The following GRB14 variants were observed in gnomAD, a reference collection of about 807,000 sequenced individuals.
GRB14 encodes the protein growth factor receptor bound protein 14, also known as growth factor receptor-bound protein 14.
Under a neutral mutation model 69.1 loss-of-function variants are expected in GRB14, and 38 were observed. The ratio of observed to expected loss-of-function variants is 0.55; its 90% confidence interval spans 0.42 to 0.72. GRB14 has a LOEUF of 0.72. GRB14 is among the 30% of genes least tolerant of loss of function. The pLI, the probability that GRB14 is intolerant of heterozygous loss-of-function variation, is 0.00. For synonymous variants in GRB14, 247 were observed against 241.3 expected, an observed-to-expected ratio of 1.02 and a Z score of -0.22; for missense variants, 666 against 666.1, an observed-to-expected ratio of 1.00 and a Z score of 0.00.
intron 6 of GRB14, among the ~76,000 whole-genome samples, chr2:164,519,131 T>G (rs1001643320): frequency 1.3e-5 from 2 of 152,086 alleles, no homozygotes; most frequent in African/African-American, 4.8e-5. Context: ...AACAAAATAC[T>G]AGCCAACCGA....
chr2:164,571,091 AT>A (rs1472749389), intron 2 of GRB14, among the ~76,000 whole-genome samples: 3 of 151,996 alleles, frequency 2.0e-5, no homozygotes, highest in African/African-American at 7.2e-5. Context: ...GTGGAATCTC[AT>A]TTTTCTGTAA....
At chr2:164,612,629 C>T (rs761642062) in intron 2 of GRB14, among the ~76,000 whole-genome samples, 9 of 152,194 alleles carry the variant, frequency 5.9e-5, no homozygotes, top group Non-Finnish European at 8.8e-5. Flanking sequence ...GAGTTTATTA[C>T]TATTTGACAT....
chr2:164,601,497 T>C (rs1689912745), intron 2 of GRB14, among the ~76,000 whole-genome samples: 1 of 152,108 alleles, frequency 6.6e-6, no homozygotes, highest in Non-Finnish European at 1.5e-5. Context: ...ATTCTACCTG[T>C]GAATTTTGTG....
intron 4 of GRB14, among the ~76,000 whole-genome samples, chr2:164,525,766 C>T (rs1232425864): frequency 6.6e-6 from 1 of 152,022 alleles, no homozygotes; most frequent in African/African-American, 2.4e-5. Flanking sequence ...GGTTTTTCAA[C>T]AGTAGTTCTA....
intron 5 of GRB14, among the ~76,000 whole-genome samples, chr2:164,522,932 C>T (rs1687671146): frequency 2.0e-5 from 3 of 152,014 alleles, no homozygotes; most frequent in Admixed American, 2.0e-4. Context: ...TGGTGATTTT[C>T]GTGACTTGGC....
intron 9 of GRB14, among the ~76,000 whole-genome samples, chr2:164,500,663 G>A (rs1687026021): frequency 1.3e-5 from 2 of 152,038 alleles, no homozygotes; most frequent in Non-Finnish European, 1.5e-5. Context: ...ACATACTACT[G>A]TATCTGATTA....
intron 13 of GRB14, among the ~76,000 whole-genome samples, chr2:164,493,544 G>A (rs1366933367): frequency 6.6e-6 from 1 of 151,990 alleles, no homozygotes. Flanking sequence ...TTTTCTAAAT[G>A]TTGTCTACTT....
rs945366949 is a variant in GRB14, at chr2:164,518,913, T to C, written c.816+3067A>G. The stretch of plus-strand genomic sequence containing the variant: ...ACAAAAAAAAAGGTCCAGGACCAGA[T>C]GGATTCACAGCTGAATTCTATCAGA... On this transcript the variant is annotated intron_variant, in intron 6 of 13. Transcript: ENST00000263915. 2.6e-5 allele frequency among the ~76,000 whole-genome samples: 4 copies of C among 151,840 alleles called. 1 individual carries two copies. Among genetic ancestry groups the C allele is most frequent in the East Asian group, 3.9e-4 (2 of 5,192 alleles).
chr2:164,609,393 T>G (rs1690112759), intron 2 of GRB14, among the ~76,000 whole-genome samples: 1 of 152,052 alleles, frequency 6.6e-6, no homozygotes, highest in Non-Finnish European at 1.5e-5. Flanking sequence ...CAGCCCAACT[T>G]CTCCCTGTGT....
rs1574272752 is a variant in GRB14, at chr2:164,527,060, T to A, written c.557A>T (p.Tyr186Phe). 6.3e-7 allele frequency: 1 copy of A among 1,595,896 alleles called. No homozygotes were observed. Among genetic ancestry groups the A allele is most frequent in the East Asian group, 2.3e-5 (1 of 44,366 alleles). ...ATATTTGGCATAATTTTTTCTAAAG[T>A]ATAGTTTGTTTTCTTCTTCTATCCC... Reference protein sequence around the residue: ...NWGIEEENKLYFRKNYAKYEF... With the variant: ...NWGIEEENKLFFRKNYAKYEF... Residue 186 changes from tyrosine to phenylalanine, a missense_variant, in exon 4 of 14, where the codon TAC (tyrosine) becomes TTC (phenylalanine). Physicochemically the swap from Tyr to Phe is conservative, Grantham distance 22. Transcript: ENST00000263915.
chr2:164,498,382 G>A (rs1458438833), intron 9 of GRB14, among the ~76,000 whole-genome samples: 2 of 151,424 alleles, frequency 1.3e-5, no homozygotes, highest in Admixed American at 6.6e-5. Flanking sequence ...TTTCTTTTTT[G>A]TTTGTTTGGG....
chr2:164,550,173 T>C (rs948957921), intron 2 of GRB14, among the ~76,000 whole-genome samples: 3 of 152,154 alleles, frequency 2.0e-5, no homozygotes, highest in Non-Finnish European at 2.9e-5. Context: ...AATGTAAGCA[T>C]ATAGAATGTT....
chr2:164,497,147 T>G (rs761939230), intron 11 of GRB14, 52 bp from the exon 12 acceptor site: 2 of 1,596,420 alleles, frequency 1.3e-6, no homozygotes, highest in South Asian at 1.1e-5. Flanking sequence ...TGACTGCAAT[T>G]TCATTACATG....
At chr2:164,594,243 G>A (rs908100858) in intron 2 of GRB14, among the ~76,000 whole-genome samples, 4 of 152,060 alleles carry the variant, frequency 2.6e-5, no homozygotes, top group African/African-American at 9.7e-5. Flanking sequence ...TACCTCCTTT[G>A]GCAGTATTTG....
At chr2:164,523,081 G>A (rs141323870) in intron 5 of GRB14, among the ~76,000 whole-genome samples, 2 of 152,158 alleles carry the variant, frequency 1.3e-5, no homozygotes, top group Admixed American at 6.6e-5. Context: ...GGGGGAAACA[G>A]GGGAGAGAGA....
chr2:164,606,810 G>A (rs1270330433), intron 2 of GRB14, among the ~76,000 whole-genome samples: 1 of 152,196 alleles, frequency 6.6e-6, no homozygotes, highest in Non-Finnish European at 1.5e-5. Context: ...CCAATACACA[G>A]TTAAATAATA....
intron 2 of GRB14, among the ~76,000 whole-genome samples, chr2:164,554,475 T>C (rs1170615533): frequency 2.6e-5 from 4 of 152,150 alleles, no homozygotes; most frequent in Admixed American, 1.3e-4. Context: ...GAAAGTTGAC[T>C]AGCAAAAGAA....
intron 6 of GRB14, among the ~76,000 whole-genome samples, chr2:164,511,019 C>T (rs1000750564): frequency 2.6e-5 from 4 of 152,134 alleles, no homozygotes; most frequent in African/African-American, 7.2e-5. Context: ...AAAGCAAAAC[C>T]GAACTGAACT....
At position 164,497,246 on chromosome 2, in the gene GRB14, G is replaced by A. The variant is rs2105255617; in HGVS notation, c.1259C>T (p.Pro420Leu). The change falls in exon 11 of 14, where the codon CCC (proline) becomes CTC (leucine). Residue 420 changes from proline to leucine, a missense_variant. Coordinates refer to ENST00000263915, the MANE Select transcript of GRB14 (RefSeq NM_004490.3). ...GGCAGAGCTCTGTGAAGAGGCAGTG[G>A]GGCTACCGTGAGTGCCCAGGCGTAA... The part of the protein sequence containing the change: ...GCLRLGTHGS[P>L]TASSQSSATN... 1.9e-6 allele frequency: 3 copies of A among 1,613,796 alleles called. No homozygotes were observed. Among genetic ancestry groups the A allele is most frequent in the South Asian group, 1.1e-5 (1 of 91,046 alleles).
Sources: gnomAD v4.1 joint callset for allele counts (sites outside exome capture counted in the v4.1 genomes callset) on GRCh38, gnomAD v4.1.1 for gene constraint, MANE v1.5 for transcripts, NCBI Gene and HGNC (gene_info 2026-07-23, HGNC 2026-07-21) for gene names.